LPP: variants seen among roughly 807,000 people sequenced by gnomAD.
LPP encodes LIM domain containing preferred translocation partner in lipoma, also known as lipoma-preferred partner.
A neutral mutation model predicts 60.4 loss-of-function variants in LPP; 38 were observed. That is an observed-to-expected ratio of 0.63 (90% CI 0.49 to 0.83). LPP has a LOEUF of 0.83. Among genes scored for constraint, LPP ranks in the 40% least tolerant of loss-of-function variants. The pLI is 0.00. For synonymous variants in LPP, 328 were observed against 290.8 expected (o/e 1.13, Z -1.30); for missense variants, 902 against 783.6 (o/e 1.15, Z -1.80).
At chr3:188,822,130 G>A (rs1443569395) in intron 9 of LPP, among the ~76,000 whole-genome samples, 2 of 152,074 alleles carry the variant, frequency 1.3e-5, no homozygotes, top group Non-Finnish European at 2.9e-5. Flanking sequence ...CACCGAAAGG[G>A]TCTCTACTAG....
intron 2 of LPP, among the ~76,000 whole-genome samples, chr3:188,263,336 A>G (rs943445629): frequency 5.3e-5 from 8 of 152,204 alleles, no homozygotes; most frequent in Non-Finnish European, 1.0e-4. Flanking sequence ...AGCTCCAGTC[A>G]GACTTCAACA....
intron 1 of LPP, chr3:188,178,463 T>G (rs1197159152): frequency 1.3e-5 from 2 of 152,266 alleles, no homozygotes; most frequent in Admixed American, 6.5e-5. Flanking sequence ...AATCTCTGTT[T>G]GTTCACATCA....
chr3:188,528,852 A>C (rs1045291263), intron 6 of LPP, among the ~76,000 whole-genome samples: 6 of 152,220 alleles, frequency 3.9e-5, no homozygotes, highest in Admixed American at 6.5e-5. Context: ...TTTACCATCG[A>C]TGAAAGCTGG....
rs753418719 is a variant in LPP, at chr3:188,609,361, C to T, written c.630C>T (p.Tyr210=). 7 of 1,614,034 alleles carry T rather than the reference C, an allele frequency of 4.3e-6. No homozygotes were observed. Among genetic ancestry groups the T allele is most frequent in the South Asian group, 1.1e-5 (1 of 91,078 alleles). Residue 210 remains tyrosine (Y), a synonymous_variant, in exon 7 of 12, where the codon TAC becomes TAT. Transcript: ENST00000617246. This position sits in a 1 kb window ranked among gnomAD's most constrained non-coding sequence, Gnocchi z 6.9. The part of the protein sequence containing the change: ...KPQPQPVPAS[Y]TTASTSSRPT... ...AGCCTCAGCCAGTCCCAGCCTCCTA[C>T]ACCACGGCCTCCACTTCTTCAAGGC...
intron 6 of LPP, among the ~76,000 whole-genome samples, chr3:188,577,759 TCGTTCC>T (rs1232485947): frequency 1.6e-5 from 1 of 61,908 alleles, no homozygotes; most frequent in Non-Finnish European, 4.3e-5. Flanking sequence ...CTTCGTTCCT[TCGTTCC>T]TTCCTTCCTT....
chr3:188,776,066 C>T lies in LPP; in HGVS notation c.1410+15784C>T, dbSNP rs185053035. ...GTGCTCCGTGCTATGCGGAATACAGCGCAGTGTGAGACTTGTTCACGCTCT... is the reference window on the plus strand; with the variant it reads ...GTGCTCCGTGCTATGCGGAATACAGTGCAGTGTGAGACTTGTTCACGCTCT... On this transcript the variant is annotated intron_variant, in intron 9 of 11. Coordinates refer to ENST00000617246, the MANE Select transcript of LPP (RefSeq NM_001375462.1). Among the ~76,000 whole-genome samples, 258 of 152,344 alleles carry T rather than the reference C, an allele frequency of 1.7e-3. 1 individual carries two copies. Among genetic ancestry groups the T allele is most frequent in the African/African-American group, 5.9e-3 (244 of 41,594 alleles).
intron 2 of LPP, among the ~76,000 whole-genome samples, chr3:188,339,677 C>T (rs529907441): frequency 3.9e-5 from 6 of 152,206 alleles, no homozygotes; most frequent in South Asian, 2.1e-4. Flanking sequence ...GGGAAATTGC[C>T]CCCATGATCG....
chr3:188,370,354 G>A (rs73050719), intron 3 of LPP, among the ~76,000 whole-genome samples: 1,698 of 152,248 alleles, frequency 0.011, 27 homozygotes, highest in African/African-American at 0.037. Flanking sequence ...GCTGGAGTTC[G>A]CACGTTGCTC....
At chr3:188,254,714 G>GTCCA (rs1553838455) in intron 2 of LPP, among the ~76,000 whole-genome samples, 1 of 152,138 alleles carries the variant, frequency 6.6e-6, no homozygotes, top group East Asian at 1.9e-4. Flanking sequence ...ACCACACACA[G>GTCCA]TGGATAGGAT....
chr3:188,243,748 G>A (rs1480494465), intron 2 of LPP, among the ~76,000 whole-genome samples: 1 of 152,132 alleles, frequency 6.6e-6, no homozygotes. Flanking sequence ...ATTGGACAGG[G>A]TGACTAACCT....
At chr3:188,332,332 T>G (rs1445306752) in intron 2 of LPP, among the ~76,000 whole-genome samples, 2 of 152,236 alleles carry the variant, frequency 1.3e-5, no homozygotes, top group African/African-American at 2.4e-5. Context: ...TGCATGTCAC[T>G]TAACTCCTCG....
chr3:188,524,769 T>C lies in LPP; in HGVS notation c.411T>C (p.Tyr137=). Residue 137 remains tyrosine, a synonymous_variant, in exon 6 of 12, where the codon TAT becomes TAC. Transcript: ENST00000617246. ...CTGACCTTGAGTGCAGCTCCCCCTA[T>C]AAGCCTCGGCCTCCACAGGTTAGTG... The part of the protein sequence containing the change: ...ILADLECSSP[Y]KPRPPQSSTG... 6.2e-7 allele frequency: 1 copy of C among 1,613,960 alleles called. No individual in the cohort carries two copies. The highest frequency in any genetic ancestry group is 8.5e-7 in the Non-Finnish European group (1 of 1,179,924).
At chr3:188,848,061 T>C (rs1577953309) in intron 9 of LPP, among the ~76,000 whole-genome samples, 1 of 152,170 alleles carries the variant, frequency 6.6e-6, no homozygotes, top group African/African-American at 2.4e-5. Context: ...TTGCCTTGAG[T>C]TTTTGAAAAA....
At chr3:188,522,019 TAAATGGA>T (rs1819002597) in intron 5 of LPP, among the ~76,000 whole-genome samples, 1 of 152,232 alleles carries the variant, frequency 6.6e-6, no homozygotes, top group Admixed American at 6.5e-5. Flanking sequence ...TTTTAAATGT[TAAATGGA>T]ATTTTTCTTA....
intron 3 of LPP, among the ~76,000 whole-genome samples, chr3:188,399,200 A>G (rs1781666499): frequency 6.6e-6 from 1 of 152,216 alleles, no homozygotes; most frequent in South Asian, 2.1e-4. Flanking sequence ...CTGGGTCTGA[A>G]TTCTGAAGAT....
At chr3:188,866,509 A>G in intron 10 of LPP, 131 bp downstream of exon 10, 5 of 674,434 alleles carry the variant, frequency 7.4e-6, no homozygotes, top group Non-Finnish European at 1.1e-5. Flanking sequence ...CTTTTAAAAG[A>G]GCTTATTGAT....
chr3:188,581,807 TC>T (rs1836227833), intron 6 of LPP, among the ~76,000 whole-genome samples: 1 of 152,188 alleles, frequency 6.6e-6, no homozygotes, highest in Non-Finnish European at 1.5e-5. Flanking sequence ...TTCAGGTAAC[TC>T]CTATTCTACT....
At chr3:188,251,805 A>G (rs1033646742) in intron 2 of LPP, among the ~76,000 whole-genome samples, 2 of 151,914 alleles carry the variant, frequency 1.3e-5, no homozygotes, top group African/African-American at 4.8e-5. Flanking sequence ...CATTTAAAAT[A>G]CAGTTGGGTT....
At chr3:188,461,711 GCT>G (rs1212826171) in intron 4 of LPP, among the ~76,000 whole-genome samples, 5 of 152,114 alleles carry the variant, frequency 3.3e-5, no homozygotes, top group Non-Finnish European at 1.5e-5. Context: ...GGCTTAAATA[GCT>G]CTCTTTTTAT....
Sources: allele counts gnomAD v4.1 joint callset (sites outside exome capture counted in the v4.1 genomes callset), GRCh38; gene constraint gnomAD v4.1.1; non-coding constraint Gnocchi (gnomAD v3.1); transcripts MANE v1.5; gene names NCBI Gene and HGNC (gene_info 2026-07-23, HGNC 2026-07-21).